Variants in CLASP1 observed in about 807,000 individuals in gnomAD.
CLASP1 encodes cytoplasmic linker associated protein 1, also known as CLIP-associating protein 1.
Under a neutral mutation model 192.3 loss-of-function variants are expected in CLASP1, and 38 were observed. The observed-to-expected ratio is 0.20, with a 90% CI of 0.15 to 0.26. The LOEUF is 0.26. Ranked by LOEUF, CLASP1 falls within the 10% of genes least tolerant of loss-of-function variation. The pLI, the probability that CLASP1 is intolerant of heterozygous loss-of-function variation, is 1.00. For synonymous variants in CLASP1, 691 were observed against 712.8 expected (o/e 0.97, Z 0.49); for missense variants, 1,433 against 1,932.5 (o/e 0.74, Z 4.85).
At chr2:121,598,015 T>C (rs190122387) in intron 2 of CLASP1, among the ~76,000 whole-genome samples, 71 of 152,320 alleles carry the variant, frequency 4.7e-4, no homozygotes, top group African/African-American at 1.6e-3. Flanking sequence ...CCCACCACTT[T>C]TCCCTTTCTG....
At chr2:121,630,893 C>T (rs539944817) in intron 1 of CLASP1, among the ~76,000 whole-genome samples, 2 of 149,362 alleles carry the variant, frequency 1.3e-5, no homozygotes, top group South Asian at 2.1e-4. Context: ...GGCGCAGTGG[C>T]TCACGCCTGT....
At chr2:121,619,547 CAACA>C (rs1223647932) in intron 1 of CLASP1, among the ~76,000 whole-genome samples, 1 of 152,012 alleles carries the variant, frequency 6.6e-6, no homozygotes, top group Non-Finnish European at 1.5e-5. Flanking sequence ...CAAACAACAA[CAACA>C]AAAAGGCAAC....
At chr2:121,469,959 A>G (rs1443222839) in exon 9 of CLASP1, 1 of 1,611,388 alleles carries the variant, frequency 6.2e-7, no homozygotes, top group Admixed American at 1.7e-5. Context: ...CGAAATTTTT[A>G]TCTGAACAGT....
At chr2:121,609,177 T>G (rs560070719) in intron 1 of CLASP1, among the ~76,000 whole-genome samples, 10 of 152,360 alleles carry the variant, frequency 6.6e-5, no homozygotes, top group African/African-American at 2.4e-4. Context: ...GAGCAAGGTC[T>G]CTATTCCTTA....
At chr2:121,589,936 C>G (rs1485284384) in intron 2 of CLASP1, among the ~76,000 whole-genome samples, 1 of 152,050 alleles carries the variant, frequency 6.6e-6, no homozygotes, top group African/African-American at 2.4e-5. Flanking sequence ...CTTCCTCCTC[C>G]TTCATATAGG....
chr2:121,381,594 A>T (rs1490581093), intron 33 of CLASP1, among the ~76,000 whole-genome samples: 2 of 152,162 alleles, frequency 1.3e-5, no homozygotes, highest in African/African-American at 4.8e-5. Context: ...TGCCGCATTC[A>T]GCATCAACTG....
intron 1 of CLASP1, among the ~76,000 whole-genome samples, chr2:121,607,725 T>G (rs953678342): frequency 1.3e-5 from 2 of 152,186 alleles, no homozygotes; most frequent in Non-Finnish European, 2.9e-5. Context: ...TTTCAAAGTT[T>G]CCAGAAAACA....
intron 1 of CLASP1, among the ~76,000 whole-genome samples, chr2:121,629,519 G>A (rs187560425): frequency 2.0e-4 from 30 of 152,014 alleles, no homozygotes; most frequent in Admixed American, 9.2e-4. Flanking sequence ...GGCCGGGAGC[G>A]GTGGCTCACG....
chr2:121,424,133 G>A (rs572742699), intron 22 of CLASP1, among the ~76,000 whole-genome samples: 1 of 151,386 alleles, frequency 6.6e-6, no homozygotes, highest in Non-Finnish European at 1.5e-5. Context: ...CAAGAAATCT[G>A]GGGTGGCCAA....
intron 8 of CLASP1, among the ~76,000 whole-genome samples, chr2:121,482,497 A>G (rs1015871936): frequency 6.6e-6 from 1 of 152,208 alleles, no homozygotes; most frequent in Non-Finnish European, 1.5e-5. Flanking sequence ...TCAGTCTTGA[A>G]GAAGAGTATC....
chr2:121,521,250 A>G (rs2094449355), intron 6 of CLASP1, among the ~76,000 whole-genome samples: 1 of 152,226 alleles, frequency 6.6e-6, no homozygotes, highest in Non-Finnish European at 1.5e-5. Context: ...GGAAGAAGAC[A>G]AAACTGAACT....
intron 19 of CLASP1, among the ~76,000 whole-genome samples, chr2:121,434,804 A>G (rs1474728423): frequency 6.6e-6 from 1 of 152,072 alleles, no homozygotes; most frequent in Non-Finnish European, 1.5e-5. Flanking sequence ...AGCCTGGGCA[A>G]CATGGAGAGA....
intron 2 of CLASP1, among the ~76,000 whole-genome samples, chr2:121,572,498 T>TG (rs1196415139): frequency 3.9e-5 from 6 of 152,012 alleles, no homozygotes; most frequent in Admixed American, 1.3e-4. Flanking sequence ...TTCTTAAGGG[T>TG]GGGGGGGACA....
intron 1 of CLASP1, among the ~76,000 whole-genome samples, chr2:121,637,698 C>A (rs2071156739): frequency 6.6e-6 from 1 of 152,008 alleles, no homozygotes. Context: ...CCAGCCTGGC[C>A]AACATGGTGA....
intron 8 of CLASP1, among the ~76,000 whole-genome samples, chr2:121,490,090 A>G (rs2093218214): frequency 6.6e-6 from 1 of 152,176 alleles, no homozygotes; most frequent in South Asian, 2.1e-4. Context: ...GTTAACATTG[A>G]TGTTTATTTC....
At chr2:121,538,784 CA>C (rs201663446) in intron 2 of CLASP1, among the ~76,000 whole-genome samples, 92 of 106,302 alleles carry the variant, frequency 8.7e-4, no homozygotes, top group African/African-American at 2.6e-3. Context: ...GACTCAGTCT[CA>C]AAAAAAAAAA....
chr2:121,405,861 G>A (rs950314557), intron 25 of CLASP1, among the ~76,000 whole-genome samples: 4 of 152,164 alleles, frequency 2.6e-5, no homozygotes, highest in African/African-American at 7.2e-5. Flanking sequence ...AAATAATAGG[G>A]GCAGGTATGA....
chr2:121,531,332 A>G (rs1214585703), intron 2 of CLASP1, among the ~76,000 whole-genome samples: 2 of 152,146 alleles, frequency 1.3e-5, no homozygotes, highest in African/African-American at 4.8e-5. Context: ...GCGGTGGCTC[A>G]CGCCTGCAAT....
intron 39 of CLASP1, 73 bp from the exon 41 acceptor site, chr2:121,341,020 C>G (rs2062718424): frequency 3.0e-6 from 3 of 993,074 alleles, no homozygotes; most frequent in Non-Finnish European, 4.7e-6. Context: ...AAAAAGAATC[C>G]CAGGTGACAG....
Sources: gnomAD v4.1 joint callset for allele counts (sites outside exome capture counted in the v4.1 genomes callset) on GRCh38, gnomAD v4.1.1 for gene constraint, MANE v1.5 for transcripts, NCBI Gene and HGNC (gene_info 2026-07-23, HGNC 2026-07-21) for gene names.